Variants in NFIC observed in about 807,000 individuals in gnomAD.
NFIC encodes the protein nuclear factor I C, also known as nuclear factor 1 C-type.
NFIC carries 12 observed loss-of-function variants against 54.4 expected under a neutral mutation model. The ratio of observed to expected loss-of-function variants is 0.22; its 90% CI spans 0.14 to 0.36. NFIC has a LOEUF of 0.36. Among genes scored for constraint, NFIC ranks in the 10% least tolerant of loss-of-function variants. NFIC has a pLI of 1.00. For missense variants in NFIC, 575 were observed against 718.2 expected, an observed-to-expected ratio of 0.80 and a Z score of 2.28; for synonymous variants, 322 against 319.2, an observed-to-expected ratio of 1.01 and a Z score of -0.09.
rs2082723359 is a variant in NFIC at position 3,466,844 on chromosome 19, G to C, written c.*4075G>C. 1 of 152,298 alleles carries C rather than the reference G, an allele frequency of 6.6e-6. No homozygotes were observed. The highest frequency in any genetic ancestry group is 1.5e-5 in the Non-Finnish European group (1 of 68,134). 9.4% of individuals were successfully genotyped at this position (152,298 alleles called of 1,614,324 possible). A position where few individuals can be genotyped will look rare whatever the true frequency, so the allele number is the denominator to read the frequency against. On this transcript the variant is annotated 3_prime_UTR_variant, in exon 11 of 11. Transcript: ENST00000443272. The surrounding 1 kb of genome is among the most constrained non-coding windows in gnomAD (Gnocchi z 4.8). ...TTCTCACCCCGAGCTTGCCTCCTTG[G>C]CTCACTTGGCACCTTGGCTGAGTAC... is the stretch of plus-strand genomic sequence containing the variant.
chr19:3,435,817 TTC>T (rs2082192433), intron 6 of NFIC, among the ~76,000 whole-genome samples: 1 of 125,940 alleles, frequency 7.9e-6, no homozygotes, highest in Admixed American at 7.6e-5. Flanking sequence ...GTGTCTTTCT[TTC>T]TTTCTTTCTT....
intron 5 of NFIC, among the ~76,000 whole-genome samples, chr19:3,434,683 CTGAGA>C (rs2082171021): frequency 6.6e-6 from 1 of 152,156 alleles, no homozygotes; most frequent in Non-Finnish European, 1.5e-5. Flanking sequence ...CAGGTTGTTG[CTGAGA>C]TATGCTTTGT....
chr19:3,434,108 G>C (rs1446508630), intron 4 of NFIC, among the ~76,000 whole-genome samples, 169 bp from the exon 5 acceptor site: 1 of 152,144 alleles, frequency 6.6e-6, no homozygotes, highest in Non-Finnish European at 1.5e-5. Context: ...CATGGCCTTG[G>C]TCCTCTGATC....
At chr19:3,402,404 G>T (rs1262269102) in intron 2 of NFIC, among the ~76,000 whole-genome samples, 4 of 152,052 alleles carry the variant, frequency 2.6e-5, no homozygotes, top group Non-Finnish European at 5.9e-5. Context: ...ATGTCTCCTT[G>T]TCTCTCTTTT....
chr19:3,447,132 C>G (rs1035335573), intron 6 of NFIC, among the ~76,000 whole-genome samples: 40 of 151,980 alleles, frequency 2.6e-4, no homozygotes, highest in African/African-American at 9.4e-4. Flanking sequence ...AACCCCATCT[C>G]TACTAAAAAT....
chr19:3,361,970 G>A (rs1274719561), upstream of NFIC, among the ~76,000 whole-genome samples: 1 of 152,132 alleles, frequency 6.6e-6, no homozygotes, highest in Non-Finnish European at 1.5e-5. Context: ...CACACACACA[G>A]GCGTGCACAG....
chr19:3,409,309 C>T (rs1232088811), intron 2 of NFIC, among the ~76,000 whole-genome samples: 1 of 152,164 alleles, frequency 6.6e-6, no homozygotes, highest in African/African-American at 2.4e-5. Context: ...TGGCTGGGCT[C>T]CTTCTCCCGC....
intron 1 of NFIC, chr19:3,359,794 G>A (rs2080786402): frequency 8.4e-7 from 1 of 1,185,402 alleles, no homozygotes; most frequent in Non-Finnish European, 1.1e-6. Flanking sequence ...GGGGCCGCCC[G>A]GAGGAGGGGC....
chr19:3,372,594 C>T (rs928234946), intron 1 of NFIC, among the ~76,000 whole-genome samples: 24 of 151,778 alleles, frequency 1.6e-4, no homozygotes, highest in Admixed American at 1.1e-3. Context: ...CGACCGACCT[C>T]GGGGATCAAA....
chr19:3,441,921 C>G (rs902774223), intron 6 of NFIC, among the ~76,000 whole-genome samples: 3 of 152,164 alleles, frequency 2.0e-5, no homozygotes, highest in African/African-American at 7.2e-5. Flanking sequence ...AGCTTCCTGT[C>G]TAGACAGCCC....
intron 10 of NFIC, among the ~76,000 whole-genome samples, chr19:3,462,417 GTTCCAGATAAA>G (rs2082655585): frequency 6.6e-6 from 1 of 152,146 alleles, no homozygotes; most frequent in Admixed American, 6.5e-5. Flanking sequence ...ATAAAATACA[GTTCCAGATAAA>G]TGGATCTTTT....
intron 1 of NFIC, among the ~76,000 whole-genome samples, chr19:3,367,894 C>A (rs907368293): frequency 6.6e-6 from 1 of 152,100 alleles, no homozygotes; most frequent in African/African-American, 2.4e-5. Context: ...CAGTGAGGGA[C>A]CCCCCACGCC....
chr19:3,433,633 G>A, intron 4 of NFIC, 41 bp downstream of exon 4: 2 of 1,603,880 alleles, frequency 1.2e-6, no homozygotes, highest in South Asian at 1.1e-5. Context: ...CTTGGAGAGG[G>A]GAGGGGGCCG....
chr19:3,441,081 A>G (rs961799519), intron 6 of NFIC, among the ~76,000 whole-genome samples: 9 of 151,538 alleles, frequency 5.9e-5, no homozygotes, highest in Non-Finnish European at 1.2e-4. Context: ...CAGTGTTGGG[A>G]TGGCAGGTGT....
intron 2 of NFIC, among the ~76,000 whole-genome samples, chr19:3,412,709 C>A (rs1002211215): frequency 2.0e-5 from 3 of 152,206 alleles, no homozygotes; most frequent in African/African-American, 7.2e-5. Context: ...TAAACAATAC[C>A]TAGGACAGAG....
intron 7 of NFIC, 46 bp downstream of exon 7, chr19:3,449,185 A>T (rs773349786): frequency 3.6e-5 from 57 of 1,587,926 alleles, no homozygotes; most frequent in Non-Finnish European, 4.8e-5. Flanking sequence ...GGGCCCTCCT[A>T]TCAGGCCTCT....
intron 9 of NFIC, 162 bp downstream of exon 9, chr19:3,454,078 C>T: frequency 7.3e-7 from 1 of 1,371,864 alleles, no homozygotes. Context: ...TGGTTGGGCC[C>T]ATGTAGGGCT....
intron 1 of NFIC, among the ~76,000 whole-genome samples, chr19:3,373,386 G>A (rs1350498156): frequency 6.6e-6 from 1 of 152,092 alleles, no homozygotes; most frequent in Non-Finnish European, 1.5e-5. Context: ...GGCCCACAAG[G>A]CCCTGCCCAG....
At position 3,397,391 on chromosome 19, in the gene NFIC, G is replaced by A. The variant is rs536004890; in HGVS notation, c.562+15148G>A. On this transcript the variant is annotated intron_variant, in intron 2 of 10. Coordinates refer to ENST00000443272, the MANE Select transcript of NFIC (RefSeq NM_001245002.2). The stretch of plus-strand genomic sequence containing the variant: ...TTTGGGCCTACAGGGCTTTGGTGCC[G>A]GTGAGCAGGCCGCAGGTTCAGCTGG... 7.9e-5 allele frequency among the ~76,000 whole-genome samples: 12 copies of A among 152,336 alleles called. 1 individual carries two copies. Among genetic ancestry groups the A allele is most frequent in the Admixed American group, 2.6e-4 (4 of 15,306 alleles).
Sources: gnomAD v4.1 joint callset for allele counts (sites outside exome capture counted in the v4.1 genomes callset) on GRCh38, gnomAD v4.1.1 for gene constraint, Gnocchi (gnomAD v3.1) non-coding constraint, MANE v1.5 for transcripts, NCBI Gene and HGNC (gene_info 2026-07-23, HGNC 2026-07-21) for gene names.